The following MBP variants were observed in gnomAD, a reference collection of about 807,000 sequenced individuals.
MBP encodes the protein myelin basic protein.
Under a neutral mutation model 35.8 loss-of-function variants are expected in MBP, and 16 were observed. That is an observed-to-expected ratio of 0.45 (90% CI 0.30 to 0.68). MBP has a LOEUF of 0.68. Among genes scored for constraint, MBP ranks in the 30% least tolerant of loss-of-function variants. MBP has a pLI of 0.08. For missense variants in MBP, 380 were observed against 404.7 expected, an observed-to-expected ratio of 0.94 and a Z score of 0.52; for synonymous variants, 143 against 159.6, an observed-to-expected ratio of 0.90 and a Z score of 0.78.
intron 7 of MBP, chr18:76,985,405 C>T (rs1969492103): frequency 3.3e-6 from 4 of 1,223,740 alleles, no homozygotes; most frequent in South Asian, 1.4e-5. Flanking sequence ...ATTCTGGTCA[C>T]ATGTGCCCTG....
At chr18:77,060,865 G>C (rs1973951117) in intron 3 of MBP, among the ~76,000 whole-genome samples, 1 of 152,256 alleles carries the variant, frequency 6.6e-6, no homozygotes, top group African/African-American at 2.4e-5. Flanking sequence ...GTTGCATTGA[G>C]AGTTGATGGC....
intron 2 of MBP, among the ~76,000 whole-genome samples, chr18:77,088,495 A>G (rs532713328): frequency 6.6e-6 from 1 of 152,316 alleles, no homozygotes; most frequent in African/African-American, 2.4e-5. Flanking sequence ...ACAGGCCCAT[A>G]ACCTTCTTAC....
At chr18:76,985,123 GGGCGGA>G in intron 7 of MBP, 2 of 1,534,642 alleles carry the variant, frequency 1.3e-6, no homozygotes, top group Non-Finnish European at 1.7e-6. Context: ...GCTCTGGTTT[GGGCGGA>G]GGCTCTCTCA....
At chr18:77,039,377 C>G (rs998427831) in intron 3 of MBP, among the ~76,000 whole-genome samples, 4 of 152,172 alleles carry the variant, frequency 2.6e-5, no homozygotes, top group Non-Finnish European at 4.4e-5. Context: ...TTGTGAGCCT[C>G]TAGGTGTATG....
At chr18:77,088,443 C>A (rs1975359211) in intron 2 of MBP, among the ~76,000 whole-genome samples, 1 of 152,192 alleles carries the variant, frequency 6.6e-6, no homozygotes, top group Non-Finnish European at 1.5e-5. Flanking sequence ...TTGGGGCCAC[C>A]AACCTTCAGG....
intron 4 of MBP, among the ~76,000 whole-genome samples, chr18:76,994,451 G>T (rs975601802): frequency 6.6e-6 from 1 of 152,194 alleles, no homozygotes; most frequent in East Asian, 1.9e-4. Context: ...GCTCAGTCAC[G>T]CTATGCAGAT....
At chr18:77,115,996 T>C (rs1420802763) in intron 1 of MBP, among the ~76,000 whole-genome samples, 1 of 148,396 alleles carries the variant, frequency 6.7e-6, no homozygotes, top group Non-Finnish European at 1.5e-5. Context: ...TGCAGCACTT[T>C]ACTGGGCAAC....
chr18:76,994,149 G>A (rs950964883), intron 4 of MBP, among the ~76,000 whole-genome samples: 3 of 152,342 alleles, frequency 2.0e-5, no homozygotes, highest in African/African-American at 7.2e-5. Flanking sequence ...TCTTTAAACT[G>A]TAAGACGTAC....
chr18:77,105,389 A>G (rs1033885087), intron 1 of MBP, 103 bp from the exon 2 acceptor site: 25 of 674,420 alleles, frequency 3.7e-5, no homozygotes, highest in Non-Finnish European at 6.5e-5. Flanking sequence ...TGTAATGCCC[A>G]TTTTTGAGAA....
chr18:77,014,323 GGGA>G, intron 4 of MBP: 1 of 985,520 alleles, frequency 1.0e-6, no homozygotes, highest in Middle Eastern at 5.2e-4. Context: ...ACAGGAGGGT[GGGA>G]GGAGGACAAA....
At chr18:76,994,866 T>C (rs1298252873) in intron 4 of MBP, among the ~76,000 whole-genome samples, 1 of 152,252 alleles carries the variant, frequency 6.6e-6, no homozygotes, top group African/African-American at 2.4e-5. Context: ...ATAATTTTCA[T>C]AGGATCATAC....
chr18:77,028,002 A>ATTTATTTT (rs963362425), intron 3 of MBP, among the ~76,000 whole-genome samples: 9 of 150,294 alleles, frequency 6.0e-5, no homozygotes, highest in East Asian at 2.0e-4. Context: ...TTATTTATTT[A>ATTTATTTT]TTTTTTTATT....
At chr18:77,105,470 T>C (rs1246716059) in intron 1 of MBP, among the ~76,000 whole-genome samples, 184 bp from the exon 2 acceptor site, 1 of 152,186 alleles carries the variant, frequency 6.6e-6, no homozygotes, top group Non-Finnish European at 1.5e-5. Flanking sequence ...TATCTTTCCA[T>C]CCCATGCAAA....
At chr18:77,090,128 T>C (rs1325321503) in intron 2 of MBP, among the ~76,000 whole-genome samples, 1 of 152,236 alleles carries the variant, frequency 6.6e-6, no homozygotes. Context: ...CAGAGGGGCC[T>C]CAGCCTTAAA....
At chr18:77,115,845 G>A (rs1281785837) in intron 1 of MBP, 1 of 152,120 alleles carries the variant, frequency 6.6e-6, no homozygotes, top group Admixed American at 6.5e-5. Flanking sequence ...CTGCCTTTCA[G>A]AACCTTCTGG....
chr18:77,121,432 C>T (rs200835785), intron 1 of MBP, among the ~76,000 whole-genome samples: 127 of 152,306 alleles, frequency 8.3e-4, no homozygotes, highest in East Asian at 6.6e-3. Flanking sequence ...GGCTTTAACC[C>T]TGGCATTTCA....
chr18:77,104,916 TCCTC>T (rs1420473923), intron 2 of MBP, among the ~76,000 whole-genome samples: 2 of 152,120 alleles, frequency 1.3e-5, no homozygotes, highest in South Asian at 2.1e-4. Flanking sequence ...GTCTCTTTTT[TCCTC>T]CCTTTCTTTC....
chr18:77,132,963 G>C (rs556607808), upstream of MBP: 5 of 151,882 alleles, frequency 3.3e-5, no homozygotes, highest in African/African-American at 1.2e-4. Context: ...CGCGGAACTT[G>C]GGGGGCGCAC....
chr18:77,043,886 C>A (rs1348747368), intron 3 of MBP, among the ~76,000 whole-genome samples: 1 of 151,982 alleles, frequency 6.6e-6, no homozygotes, highest in East Asian at 1.9e-4. Context: ...AGGACTGTCA[C>A]GCGTCCACTC....
Sources: allele counts gnomAD v4.1 joint callset (sites outside exome capture counted in the v4.1 genomes callset), GRCh38; gene constraint gnomAD v4.1.1; transcripts MANE v1.5; gene names NCBI Gene and HGNC (gene_info 2026-07-23, HGNC 2026-07-21).